Variants in MYOM1 observed in about 807,000 individuals in gnomAD.
MYOM1 encodes the protein myomesin 1, also known as myomesin-1.
Under a neutral mutation model 205.3 loss-of-function variants are expected in MYOM1, and 164 were observed. The observed-to-expected ratio is 0.80, with a 90% CI of 0.70 to 0.91. The LOEUF (loss-of-function observed/expected upper bound fraction) is 0.91. Among genes scored for constraint, MYOM1 ranks in the 40% least tolerant of loss-of-function variants. The probability of loss-of-function intolerance (pLI) is 0.00; values close to 1 mark genes in which losing one functional copy is unlikely to be tolerated. For synonymous variants in MYOM1, 772 were observed against 789.4 expected, an observed-to-expected ratio of 0.98 and a Z score of 0.37; for missense variants, 2,011 against 2,127.3, an observed-to-expected ratio of 0.95 and a Z score of 1.08.
At chr18:3,196,684 C>T (rs886721123) in intron 2 of MYOM1, among the ~76,000 whole-genome samples, 10 of 152,134 alleles carry the variant, frequency 6.6e-5, no homozygotes, top group Non-Finnish European at 1.0e-4. Context: ...TTATGCTAGT[C>T]CTTGTTAATA....
chr18:3,088,141 G>A (rs1278038370), intron 29 of MYOM1, among the ~76,000 whole-genome samples: 1 of 152,154 alleles, frequency 6.6e-6, no homozygotes, highest in African/African-American at 2.4e-5. Context: ...TGGGTATGGG[G>A]CTGATTGTCC....
chr18:3,240,660 C>T, the MYOM1 span, among the ~76,000 whole-genome samples: 721 of 152,200 alleles, frequency 4.7e-3, 8 homozygotes, highest in African/African-American at 0.016. Context: ...GTAGAGTGGG[C>T]GCTGCTGAAA....
At chr18:3,146,059 T>G (rs906103593) in intron 13 of MYOM1, among the ~76,000 whole-genome samples, 2 of 152,018 alleles carry the variant, frequency 1.3e-5, no homozygotes, top group African/African-American at 4.8e-5. Flanking sequence ...ATAACCTGAA[T>G]AGTCCTAAAT....
chr18:3,233,823 G>A, the MYOM1 span, among the ~76,000 whole-genome samples: 3 of 152,200 alleles, frequency 2.0e-5, no homozygotes, highest in African/African-American at 7.2e-5. Context: ...AATTCTGCAA[G>A]AGACCATACA....
rs549108610 is a variant in MYOM1, at chr18:3,136,522, G to A, written c.2026-792C>T. On this transcript the variant is annotated intron_variant, in intron 14 of 37. Transcript: ENST00000356443. ...CTCACTGCAGCCTTGACTTCTTTGG[G>A]TTCAAGTGATCCTCCCACCTCAGCC... is the stretch of plus-strand genomic sequence containing the variant. Among the ~76,000 whole-genome samples the A allele has an allele frequency of 3.9e-5, 6 of 151,904 alleles. No homozygotes were observed. The South Asian group carries it at 1.0e-3, about 26-fold the overall frequency.
Position 3,089,190 on chromosome 18 carries a change from A to G in MYOM1, c.4121T>C (p.Val1374Ala), listed in dbSNP as rs770756087. The G allele has an allele frequency of 7.4e-6, 12 of 1,611,078 alleles. No individual in the cohort carries two copies. Among genetic ancestry groups the G allele is most frequent in the African/African-American group, 1.3e-5 (1 of 74,868 alleles). ...LSWEVTGECNVLLKCKVANIK... is the reference protein window; with the variant it reads ...LSWEVTGECNALLKCKVANIK... Reference sequence around the variant, plus strand: ...ACCTCTTACCTTGCATTTCAATAGTACATTACATTCACCAGTCACTTCCCA... The same window carrying G: ...ACCTCTTACCTTGCATTTCAATAGTGCATTACATTCACCAGTCACTTCCCA... Residue 1374 changes from valine (V) to alanine (A), a missense_variant, in exon 29 of 38, where the codon GTA becomes GCA. Transcript: ENST00000356443.
intron 2 of MYOM1, among the ~76,000 whole-genome samples, chr18:3,196,885 C>T (rs867842499): frequency 1.3e-5 from 2 of 152,174 alleles, no homozygotes; most frequent in South Asian, 4.1e-4. Context: ...AATATCATAA[C>T]CACCTACTTG....
chr18:3,139,868 T>G (rs1371633349), intron 14 of MYOM1, among the ~76,000 whole-genome samples: 1 of 152,076 alleles, frequency 6.6e-6, no homozygotes, highest in Non-Finnish European at 1.5e-5. Flanking sequence ...ACAGAGAAAT[T>G]AGAGTTTATA....
At chr18:3,234,008 AC>A in the MYOM1 span, among the ~76,000 whole-genome samples, 100 of 152,278 alleles carry the variant, frequency 6.6e-4, no homozygotes, top group African/African-American at 2.3e-3. Flanking sequence ...TCACATTCCT[AC>A]CTTTTCCTCT....
chr18:3,071,381 T>A (rs868719118), intron 37 of MYOM1, among the ~76,000 whole-genome samples: 1 of 148,252 alleles, frequency 6.7e-6, no homozygotes, highest in Non-Finnish European at 1.5e-5. Context: ...TTTTTTGAGA[T>A]GGAGTCTCAC....
chr18:3,207,516 G>C (rs115569805), intron 2 of MYOM1, among the ~76,000 whole-genome samples: 2,115 of 152,274 alleles, frequency 0.014, 49 homozygotes, highest in African/African-American at 0.048. Context: ...ACTCTACTTT[G>C]GGATGGTCAC....
rs1307925784 is a variant in MYOM1, at chr18:3,219,892, A to G, written c.-118T>C. 1 of 152,274 alleles carries G rather than the reference A, an allele frequency of 6.6e-6. No homozygotes were observed. Among genetic ancestry groups the G allele is most frequent in the Non-Finnish European group, 1.5e-5 (1 of 68,074 alleles). The allele number at this position is 152,274 out of a possible 1,614,324, so 9.4% of individuals were successfully genotyped here. A position where few individuals can be genotyped will look rare whatever the true frequency, so the allele number is the denominator to read the frequency against. ...TGAAGACTCCACCTAGGTTGAATCC[A>G]AGACAATGTTAAGAGGCAGGGCTAA... On this transcript the variant is annotated 5_prime_UTR_variant, in exon 1 of 38. Transcript: ENST00000356443. The surrounding 1 kb of genome is among the most constrained non-coding windows in gnomAD (Gnocchi z 4.4).
At chr18:3,211,669 AT>A (rs1447322587) in intron 2 of MYOM1, among the ~76,000 whole-genome samples, 2 of 152,230 alleles carry the variant, frequency 1.3e-5, no homozygotes, top group Non-Finnish European at 2.9e-5. Context: ...GAACAAAGGC[AT>A]TTAGAGTAAG....
At position 3,215,122 on chromosome 18, in the gene MYOM1, T is replaced by C. The variant is rs373258972; in HGVS notation, c.102A>G (p.Lys34=). The C allele has an allele frequency of 7.4e-6, 12 of 1,613,672 alleles. No homozygotes were observed. The highest frequency in any genetic ancestry group is 9.3e-6 in the Non-Finnish European group (11 of 1,179,838). ...STVSHYQREK[K]RSAVYTQGST... ...AGCCCTGGGTGTAGACGGCGGAGCG[T>C]TTCTTCTCCCGCTGGTAGTGACTCA... is the stretch of plus-strand genomic sequence containing the variant. Residue 34 remains lysine, a synonymous_variant, in exon 2 of 38, where the codon AAA becomes AAG. Coordinates refer to ENST00000356443, the MANE Select transcript of MYOM1 (RefSeq NM_003803.4).
intron 13 of MYOM1, among the ~76,000 whole-genome samples, chr18:3,145,468 CAAAT>C (rs1165210194): frequency 1.3e-5 from 2 of 151,640 alleles, no homozygotes; most frequent in African/African-American, 2.4e-5. Flanking sequence ...AAATTAAAAA[CAAAT>C]AAGAGAAATA....
In MYOM1 at chr18:3,188,882, G is replaced by C. The variant is rs576935676; in HGVS notation, c.637C>G (p.Gln213Glu). 6.2e-7 allele frequency: 1 copy of C among 1,612,482 alleles called. No homozygotes were observed. The highest frequency in any genetic ancestry group is 1.7e-5 in the Admixed American group (1 of 59,924). Residue 213 changes from glutamine to glutamate, a missense_variant, in exon 4 of 38, where the codon CAG (glutamine) becomes GAG (glutamate). Coordinates refer to ENST00000356443, the MANE Select transcript of MYOM1 (RefSeq NM_003803.4). ...TASKQSTASR[Q>E]STASRQSVVS... is the part of the protein sequence containing the mutation. ...ACAGACTGCCTGGATGCCGTGGACTGCCTGGATGCCGTGGACTGCTTGGAT... is the reference window on the plus strand; with the variant it reads ...ACAGACTGCCTGGATGCCGTGGACTCCCTGGATGCCGTGGACTGCTTGGAT...
At chr18:3,186,647 C>T (rs974194783) in intron 5 of MYOM1, among the ~76,000 whole-genome samples, 5 of 151,994 alleles carry the variant, frequency 3.3e-5, no homozygotes, top group African/African-American at 9.7e-5. Flanking sequence ...TATCTGCCTT[C>T]CAATTCTTTC....
intron 5 of MYOM1, among the ~76,000 whole-genome samples, chr18:3,181,732 A>AC (rs2080734001): frequency 7.9e-6 from 1 of 127,086 alleles, no homozygotes; most frequent in Non-Finnish European, 1.6e-5. Flanking sequence ...AAACTGAATA[A>AC]TTTTTTTTTT....
chr18:3,098,649 A>G (rs1261046396), intron 25 of MYOM1, among the ~76,000 whole-genome samples: 1 of 152,216 alleles, frequency 6.6e-6, no homozygotes, highest in African/African-American at 2.4e-5. Context: ...AAACCAAGGC[A>G]CAGAGAAATA....
Sources: gnomAD v4.1 joint callset for allele counts (sites outside exome capture counted in the v4.1 genomes callset) on GRCh38, gnomAD v4.1.1 for gene constraint, Gnocchi (gnomAD v3.1) non-coding constraint, MANE v1.5 for transcripts, NCBI Gene and HGNC (gene_info 2026-07-23, HGNC 2026-07-21) for gene names.